The following PIGL variants were observed in gnomAD, a reference collection of about 807,000 sequenced individuals.
The protein encoded by PIGL is phosphatidylinositol glycan anchor biosynthesis class L.
PIGL carries 22 observed loss-of-function variants against 31.1 expected under a neutral mutation model. The ratio of observed to expected loss-of-function variants is 0.71; its 90% CI spans 0.51 to 1.01. The LOEUF is 1.01. Ranked by LOEUF, PIGL falls within the 50% of genes least tolerant of loss-of-function variation. The pLI, the probability that PIGL is intolerant of heterozygous loss-of-function variation, is 0.00. For missense variants in PIGL, 302 were observed against 315.9 expected (o/e 0.96, Z 0.33); for synonymous variants, 131 against 117.4 (o/e 1.12, Z -0.75).
chr17:16,224,597 A>G (rs1407774345), intron 1 of PIGL, among the ~76,000 whole-genome samples: 1 of 151,884 alleles, frequency 6.6e-6, no homozygotes, highest in Non-Finnish European at 1.5e-5. Flanking sequence ...ATGAGCCACC[A>G]TGCCCAGCCC....
chr17:16,316,403 T>C (rs2093077081), intron 4 of PIGL, among the ~76,000 whole-genome samples: 1 of 152,192 alleles, frequency 6.6e-6, no homozygotes, highest in African/African-American at 2.4e-5. Flanking sequence ...GTTACCTTCA[T>C]TCTCTAATGG....
At chr17:16,252,782 G>A (rs2092778285) in intron 2 of PIGL, among the ~76,000 whole-genome samples, 1 of 152,028 alleles carries the variant, frequency 6.6e-6, no homozygotes, top group South Asian at 2.1e-4. Context: ...AGATAACAAT[G>A]CATTTAAACC....
intron 2 of PIGL, among the ~76,000 whole-genome samples, chr17:16,293,869 G>A (rs2092970768): frequency 3.3e-5 from 5 of 152,146 alleles, no homozygotes; most frequent in Admixed American, 3.3e-4. Context: ...TACGAAGTGG[G>A]GTAGTCTAAG....
intron 2 of PIGL, among the ~76,000 whole-genome samples, chr17:16,274,174 G>A (rs1251096723): frequency 6.6e-6 from 1 of 152,212 alleles, no homozygotes; most frequent in Non-Finnish European, 1.5e-5. Context: ...TTATTACCAA[G>A]AAGATAGTGT....
rs917407049 is a variant in PIGL, at chr17:16,299,819, C to A, written c.336-69C>A. On this transcript the variant is annotated intron_variant, in intron 2 of 6. Coordinates refer to ENST00000225609, the MANE Select transcript of PIGL (RefSeq NM_004278.4). ...AACTATCATAAAACTGGGCATGCAC[C>A]TACTGGAGCTTAGGGAGAAGGTTGT... 5.4e-6 allele frequency: 6 copies of A among 1,110,200 alleles called. No individual in the cohort carries two copies. The South Asian group carries it at 6.2e-5, about 11-fold the overall frequency. 68.8% of individuals were successfully genotyped at this position (1,110,200 alleles called of 1,614,324 possible). A position where few individuals can be genotyped will look rare whatever the true frequency, so the allele number is the denominator to read the frequency against.
At chr17:16,312,214 C>T (rs1406653147) in intron 3 of PIGL, among the ~76,000 whole-genome samples, 1 of 150,612 alleles carries the variant, frequency 6.6e-6, no homozygotes, top group Non-Finnish European at 1.5e-5. Flanking sequence ...GGGGCGGCTG[C>T]CGGGCGGAGG....
At chr17:16,297,009 CG>C (rs1182258336) in intron 2 of PIGL, among the ~76,000 whole-genome samples, 1 of 152,136 alleles carries the variant, frequency 6.6e-6, no homozygotes, top group African/African-American at 2.4e-5. Context: ...CGTGAGCCAC[CG>C]TTCCGGCCCT....
intron 2 of PIGL, among the ~76,000 whole-genome samples, chr17:16,237,050 G>GT (rs1401352468): frequency 6.7e-6 from 1 of 149,434 alleles, no homozygotes; most frequent in Admixed American, 6.7e-5. Context: ...CAATCCTCCT[G>GT]TGTCAGCCTC....
intron 2 of PIGL, among the ~76,000 whole-genome samples, chr17:16,287,954 AAC>A (rs2092944970): frequency 6.6e-6 from 1 of 152,168 alleles, no homozygotes; most frequent in African/African-American, 2.4e-5. Context: ...GATTTCTAGA[AAC>A]ACAGGGTCAA....
intron 1 of PIGL, among the ~76,000 whole-genome samples, chr17:16,232,427 T>C (rs1460019631): frequency 1.3e-5 from 2 of 152,180 alleles, no homozygotes; most frequent in African/African-American, 4.8e-5. Context: ...CTGAAAGATC[T>C]CAGACATGTG....
At chr17:16,304,240 C>A (rs1407311015) in intron 3 of PIGL, among the ~76,000 whole-genome samples, 1 of 152,202 alleles carries the variant, frequency 6.6e-6, no homozygotes, top group Non-Finnish European at 1.5e-5. Context: ...AGCAGCAACA[C>A]AGAAGCACAG....
chr17:16,227,297 G>T (rs1320448235), intron 1 of PIGL, among the ~76,000 whole-genome samples: 1 of 151,896 alleles, frequency 6.6e-6, no homozygotes, highest in African/African-American at 2.4e-5. Context: ...TTTTTGTAGA[G>T]CCAGGGTTTC....
intron 2 of PIGL, among the ~76,000 whole-genome samples, chr17:16,287,093 G>A (rs1445435672): frequency 6.6e-6 from 1 of 152,228 alleles, no homozygotes; most frequent in Non-Finnish European, 1.5e-5. Flanking sequence ...CTCTGGTGGT[G>A]TGGGTCCCTG....
intron 2 of PIGL, among the ~76,000 whole-genome samples, chr17:16,269,216 T>C (rs1217985269): frequency 6.6e-6 from 1 of 152,234 alleles, no homozygotes; most frequent in African/African-American, 2.4e-5. Context: ...CATAGGGCCA[T>C]GTGGTCTGTC....
chr17:16,297,618 T>C (rs2092988064), intron 2 of PIGL, among the ~76,000 whole-genome samples: 1 of 152,212 alleles, frequency 6.6e-6, no homozygotes, highest in Non-Finnish European at 1.5e-5. Flanking sequence ...CTGCGTGAGC[T>C]CAGGGGCTTA....
intron 2 of PIGL, among the ~76,000 whole-genome samples, chr17:16,237,701 A>G (rs2092705069): frequency 6.7e-6 from 1 of 148,524 alleles, no homozygotes; most frequent in African/African-American, 2.5e-5. Context: ...TGGGTGACTG[A>G]GGTGAGAGGA....
At chr17:16,253,930 G>GAGACTTTGTCTAAGTAAAATACTT (rs1555852688) in intron 2 of PIGL, among the ~76,000 whole-genome samples, 4 of 151,642 alleles carry the variant, frequency 2.6e-5, no homozygotes, top group Non-Finnish European at 5.9e-5. Flanking sequence ...GTGACAAAAC[G>GAGACTTTGTCTAAGTAAAATACTT]AGACTTTGTC....
chr17:16,241,210 G>T (rs1404420757), intron 2 of PIGL, among the ~76,000 whole-genome samples: 2 of 150,052 alleles, frequency 1.3e-5, no homozygotes, highest in Non-Finnish European at 3.0e-5. Context: ...GGTGGATAAA[G>T]ATTAGCGAGG....
rs66540057 is a variant in PIGL at position 16,252,066 on chromosome 17, CT to C, written c.335+18009del. ...TCTATGCGCAGATAATTTTTTTTTC[CT>C]TTTTTTTTTTTTCTTTTTTTTTGTT... On this transcript the variant is annotated intron_variant, in intron 2 of 6. Transcript: ENST00000225609. 7.9e-3 allele frequency among the ~76,000 whole-genome samples: 975 copies of C among 123,792 alleles called. 14 individuals carry two copies. The highest frequency in any genetic ancestry group is 0.038 in the African/African-American group (895 of 23,852). The allele number at this position is 123,792 out of a possible 152,430, so 81.2% of individuals were successfully genotyped here.
Sources: allele counts gnomAD v4.1 joint callset (sites outside exome capture counted in the v4.1 genomes callset), GRCh38; gene constraint gnomAD v4.1.1; transcripts MANE v1.5; gene names NCBI Gene and HGNC (gene_info 2026-07-23, HGNC 2026-07-21).